CUBN: variants seen among roughly 807,000 people sequenced by gnomAD.
CUBN encodes the protein cubilin, also known as 460 kDa receptor.
CUBN carries 282 observed loss-of-function variants against 405.3 expected under a neutral mutation model. The ratio of observed to expected loss-of-function variants is 0.70; its 90% CI spans 0.63 to 0.77. The LOEUF is 0.77. Among genes scored for constraint, CUBN ranks in the 30% least tolerant of loss-of-function variants. The pLI, the probability that CUBN is intolerant of heterozygous loss-of-function variation, is 0.00. For synonymous variants in CUBN, 1,684 were observed against 1,617.0 expected (o/e 1.04, Z -0.99); for missense variants, 4,514 against 4,475.2 (o/e 1.01, Z -0.25).
intron 5 of CUBN, 68 bp from the exon 6 acceptor site, chr10:17,122,966 T>C: frequency 9.4e-7 from 1 of 1,066,944 alleles, no homozygotes; most frequent in Non-Finnish European, 1.5e-6. Context: ...AACATTCACA[T>C]GATACGTTTA....
At chr10:17,051,828 A>G (rs1274700390) in intron 22 of CUBN, among the ~76,000 whole-genome samples, 1 of 152,092 alleles carries the variant, frequency 6.6e-6, no homozygotes, top group East Asian at 1.9e-4. Context: ...AGGTTAACAC[A>G]CATACAATTA....
At chr10:16,983,997 T>G in intron 30 of CUBN, 108 bp downstream of exon 30, 1 of 1,225,182 alleles carries the variant, frequency 8.2e-7, no homozygotes, top group Non-Finnish European at 1.2e-6. Context: ...CCCTTTGGGA[T>G]GTCACTAAGT....
At position 16,947,227 on chromosome 10, in the gene CUBN, G is replaced by A. The variant is rs746605052; in HGVS notation, c.5342+8C>T. 25 of 1,613,886 alleles carry A rather than the reference G, an allele frequency of 1.5e-5. No individual in the cohort carries two copies. Among genetic ancestry groups the A allele is most frequent in the Non-Finnish European group, 2.1e-5 (25 of 1,179,822 alleles). On this transcript the variant is annotated splice_region_variant and intron_variant, in intron 36 of 66. Coordinates refer to ENST00000377833, the MANE Select transcript of CUBN (RefSeq NM_001081.4). ...CACTGAAACAATACACCATAAAAAAGGATTTACATAAAAGACAGCTGGAGC... is the reference window on the plus strand; with the variant it reads ...CACTGAAACAATACACCATAAAAAAAGATTTACATAAAAGACAGCTGGAGC...
chr10:17,059,528 T>C (rs1159690777), intron 22 of CUBN, among the ~76,000 whole-genome samples: 1 of 151,532 alleles, frequency 6.6e-6, no homozygotes, highest in Non-Finnish European at 1.5e-5. Context: ...AAATCACTTA[T>C]GAAATGTTTG....
chr10:16,957,223 T>C (rs984206085), intron 31 of CUBN, among the ~76,000 whole-genome samples: 1 of 152,168 alleles, frequency 6.6e-6, no homozygotes, highest in African/African-American at 2.4e-5. Context: ...TGGTAACCAC[T>C]ATTCTACCCT....
intron 27 of CUBN, among the ~76,000 whole-genome samples, chr10:17,029,044 C>T (rs1435625685): frequency 6.6e-6 from 1 of 152,204 alleles, no homozygotes; most frequent in Non-Finnish European, 1.5e-5. Context: ...AGGCAGTGTG[C>T]ATAGGACAAT....
At chr10:17,120,598 G>T (rs1837014903) in intron 6 of CUBN, among the ~76,000 whole-genome samples, 1 of 152,200 alleles carries the variant, frequency 6.6e-6, no homozygotes, top group Non-Finnish European at 1.5e-5. Context: ...TAGAAATGCA[G>T]CTTTCAACAA....
At position 16,916,022 on chromosome 10, in the gene CUBN, C is replaced by T. The variant is rs775766640; in HGVS notation, c.7009G>A (p.Gly2337Arg). 7 of 1,613,140 alleles carry T rather than the reference C, an allele frequency of 4.3e-6. No individual in the cohort carries two copies. In the South Asian group the frequency reaches 5.5e-5, roughly 13 times the overall value. The change falls in exon 46 of 67, where the codon GGG (glycine) becomes AGG (arginine). Residue 2337 changes from glycine to arginine, a missense_variant. This residue lies in a region of CUBN where 1,613 missense variants were observed against 1,542.8 expected (regional missense o/e 1.05). Transcript: ENST00000377833. ...CCACTTTGCCCTGGTACTCTTCCCC[C>T]ACACTGAGCTGCAAAAAATAAAAAT... Reference protein sequence around the residue: ...FKAKYSIAQCGGRVPGQSGVV... With the variant: ...FKAKYSIAQCRGRVPGQSGVV...
chr10:17,085,180 C>G (rs1329079674), intron 16 of CUBN, among the ~76,000 whole-genome samples: 1 of 152,178 alleles, frequency 6.6e-6, no homozygotes, highest in Non-Finnish European at 1.5e-5. Context: ...AAGTGAAGCT[C>G]TAGAGTCTGG....
At chr10:16,975,163 G>A (rs1833053691) in intron 31 of CUBN, among the ~76,000 whole-genome samples, 1 of 152,108 alleles carries the variant, frequency 6.6e-6, no homozygotes, top group South Asian at 2.1e-4. Context: ...AACTTGTTTG[G>A]ACTATTATTA....
At chr10:17,085,883 C>G in intron 15 of CUBN, 124 bp from the exon 16 acceptor site, 7 of 888,698 alleles carry the variant, frequency 7.9e-6, no homozygotes, top group Non-Finnish European at 1.2e-5. Context: ...GTTTCCCCAT[C>G]ACATCCAAAT....
At position 17,068,780 on chromosome 10, in the gene CUBN, G is replaced by C; in HGVS notation, c.2626-10C>G. 2 of 1,599,174 alleles carry C rather than the reference G, an allele frequency of 1.3e-6. No homozygotes were observed. Among genetic ancestry groups the C allele is most frequent in the East Asian group, 4.5e-5 (2 of 44,682 alleles). ...TGGAACTGCTACCAATCTAAAATTA[G>C]AGAAGATATGTTCAAATATGTTGTA... On this transcript the variant is annotated splice_polypyrimidine_tract_variant and intron_variant, in intron 19 of 66. Coordinates refer to ENST00000377833, the MANE Select transcript of CUBN (RefSeq NM_001081.4).
At chr10:16,849,719 C>G (rs774486386) in intron 60 of CUBN, among the ~76,000 whole-genome samples, 14 of 152,200 alleles carry the variant, frequency 9.2e-5, no homozygotes, top group Non-Finnish European at 1.3e-4. Context: ...GCCATGGCTG[C>G]ACCCCTGATC....
intron 50 of CUBN, among the ~76,000 whole-genome samples, chr10:16,904,748 T>C (rs1841510378): frequency 6.6e-6 from 1 of 152,234 alleles, no homozygotes; most frequent in Non-Finnish European, 1.5e-5. Context: ...TTTAACTGCC[T>C]CTAAACCTGA....
chr10:16,901,945 GTATA>G (rs769364445), intron 51 of CUBN, among the ~76,000 whole-genome samples: 1 of 99,236 alleles, frequency 1.0e-5, no homozygotes, highest in South Asian at 3.3e-4. Flanking sequence ...ACCATATATA[GTATA>G]TATATATATA....
chr10:16,998,273 G>A (rs1292050149), intron 28 of CUBN, among the ~76,000 whole-genome samples: 1 of 152,102 alleles, frequency 6.6e-6, no homozygotes, highest in Non-Finnish European at 1.5e-5. Context: ...GATTGGGGTG[G>A]AACTGAAATC....
intron 59 of CUBN, among the ~76,000 whole-genome samples, chr10:16,869,145 C>G (rs1840273136): frequency 6.7e-6 from 1 of 150,338 alleles, no homozygotes; most frequent in Non-Finnish European, 1.5e-5. Flanking sequence ...TAGCCTTCCT[C>G]CACTGTGCTA....
At position 16,836,343 on chromosome 10, in the gene CUBN, C is replaced by G. The variant is rs754095897; in HGVS notation, c.10072G>C (p.Ala3358Pro). The stretch of plus-strand genomic sequence containing the variant: ...GAATAAAACACTGGCACAGCCGAAG[C>G]ATTTCTGCCACAGAACTGAAATCTT... ...NSRFQFCGRN[A>P]SAVPVFYSSM... The change falls in exon 63 of 67, where the codon GCT becomes CCT. Residue 3358 changes from alanine to proline, a missense_variant. Around this residue, in one of 5 missense-constraint regions of CUBN, gnomAD observed 1,186 missense variants for 1,186.9 expected, o/e 1.00. Transcript: ENST00000377833. 27 of 1,613,884 alleles carry G rather than the reference C, an allele frequency of 1.7e-5. No homozygotes were observed. Among genetic ancestry groups the G allele is most frequent in the African/African-American group, 4.0e-5 (3 of 74,932 alleles).
rs757888625 is a variant in CUBN at position 16,925,780 on chromosome 10, C to T, written c.6272-6G>A. 3 of 1,613,592 alleles carry T rather than the reference C, an allele frequency of 1.9e-6. No homozygotes were observed. Among genetic ancestry groups the T allele is most frequent in the Non-Finnish European group, 2.5e-6 (3 of 1,179,658 alleles). On this transcript the variant is annotated splice_polypyrimidine_tract_variant and splice_region_variant and intron_variant, in intron 41 of 66. Transcript: ENST00000377833. ...ATGCAAATATCCACCGCAGCCTTCC[C>T]ACAAAGAAACAAAGGTCGGTTATTT...
Sources: allele counts gnomAD v4.1 joint callset (sites outside exome capture counted in the v4.1 genomes callset), GRCh38; gene constraint gnomAD v4.1.1; regional missense constraint gnomAD v4.1.1; transcripts MANE v1.5; gene names NCBI Gene and HGNC (gene_info 2026-07-23, HGNC 2026-07-21).